The following FAM227A variants were observed in gnomAD, a reference collection of about 807,000 sequenced individuals.
FAM227A encodes family with sequence similarity 227 member A.
FAM227A carries 80 observed loss-of-function variants against 74.7 expected under a neutral mutation model. That is an observed-to-expected ratio of 1.07 (90% CI 0.89 to 1.29). FAM227A has a LOEUF of 1.29. FAM227A is among the 50% of genes most tolerant of loss of function. FAM227A has a pLI of 0.00. For synonymous variants in FAM227A, 237 were observed against 241.8 expected, an observed-to-expected ratio of 0.98 and a Z score of 0.19; for missense variants, 654 against 683.4, an observed-to-expected ratio of 0.96 and a Z score of 0.48.
In FAM227A at chr22:38,628,340, T is replaced by C. The variant is rs1309811810; in HGVS notation, c.624A>G (p.Pro208=). The C allele has an allele frequency of 1.2e-5, 18 of 1,548,074 alleles. No homozygotes were observed. The highest frequency in any genetic ancestry group is 1.5e-5 in the Non-Finnish European group (17 of 1,143,888). Residue 208 remains proline (P), a splice_region_variant and synonymous_variant, in exon 8 of 17, where the codon CCA becomes CCG. Coordinates refer to ENST00000535113, the MANE Select transcript of FAM227A (RefSeq NM_001013647.2). The stretch of plus-strand genomic sequence containing the variant: ...ACAGATTATTCTGGAGCTCCTTGTT[T>C]GGCTGCCAGGAATAGAAATGAAAAA... ...FWWIFHERYQ[P]NKELQNNLFD...
chr22:38,615,798 T>C (rs1014387088), intron 11 of FAM227A, among the ~76,000 whole-genome samples: 7 of 152,170 alleles, frequency 4.6e-5, no homozygotes, highest in Non-Finnish European at 8.8e-5. Context: ...CTGGTCACTA[T>C]GTGGAGGCTG....
chr22:38,609,450 G>A (rs1312063814), intron 11 of FAM227A, among the ~76,000 whole-genome samples: 1 of 152,184 alleles, frequency 6.6e-6, no homozygotes, highest in African/African-American at 2.4e-5. Flanking sequence ...AGCGAAGAAC[G>A]CTGGATTCGT....
chr22:38,610,957 G>C (rs185432044), intron 11 of FAM227A, among the ~76,000 whole-genome samples: 75 of 152,234 alleles, frequency 4.9e-4, no homozygotes, highest in African/African-American at 1.6e-3. Flanking sequence ...CTACTTGGGA[G>C]GCTGAAGTAG....
At chr22:38,626,053 T>C (rs1260739714) in intron 9 of FAM227A, 127 bp downstream of exon 9, 27 of 958,574 alleles carry the variant, frequency 2.8e-5, no homozygotes, top group South Asian at 1.4e-4. Flanking sequence ...CTCTCTTTAA[T>C]GTTAAGGAGA....
At chr22:38,654,689 G>A (rs917817565) in intron 1 of FAM227A, among the ~76,000 whole-genome samples, 7 of 150,106 alleles carry the variant, frequency 4.7e-5, no homozygotes, top group African/African-American at 1.5e-4. Context: ...CCAGCACTTT[G>A]GGAGGCCGAG....
At chr22:38,624,825 C>A (rs959204923) in intron 9 of FAM227A, among the ~76,000 whole-genome samples, 8 of 152,184 alleles carry the variant, frequency 5.3e-5, no homozygotes, top group Non-Finnish European at 1.2e-4. Flanking sequence ...CCAAACTCTA[C>A]CTTTTTCCCT....
At chr22:38,638,654 A>T in intron 5 of FAM227A, 92 bp downstream of exon 5, 1 of 912,822 alleles carries the variant, frequency 1.1e-6, no homozygotes, top group Non-Finnish European at 1.7e-6. Context: ...ATCACTACCC[A>T]GGCACCAAGT....
intron 13 of FAM227A, among the ~76,000 whole-genome samples, chr22:38,603,216 G>A (rs1267869843): frequency 6.6e-6 from 1 of 152,130 alleles, no homozygotes; most frequent in African/African-American, 2.4e-5. Flanking sequence ...CTGTGGGCTG[G>A]GAGCAGTGGC....
intron 11 of FAM227A, among the ~76,000 whole-genome samples, chr22:38,616,165 CT>C (rs2091571101): frequency 6.6e-6 from 1 of 152,180 alleles, no homozygotes; most frequent in Non-Finnish European, 1.5e-5. Flanking sequence ...AAGGAAAACA[CT>C]GTCAAAAGTT....
At chr22:38,607,268 G>T in intron 12 of FAM227A, 121 bp downstream of exon 12, 1 of 642,944 alleles carries the variant, frequency 1.6e-6, no homozygotes, top group Non-Finnish European at 2.7e-6. Flanking sequence ...CAAGGCCCAG[G>T]CTGGAACCCC....
At chr22:38,633,885 T>C (rs2091956511) in intron 6 of FAM227A, among the ~76,000 whole-genome samples, 1 of 152,104 alleles carries the variant, frequency 6.6e-6, no homozygotes, top group South Asian at 2.1e-4. Context: ...GTAATATCTA[T>C]GTATTTCATT....
At chr22:38,644,145 C>CAAAAAA (rs950184744) in intron 3 of FAM227A, among the ~76,000 whole-genome samples, 9 of 43,522 alleles carry the variant, frequency 2.1e-4, no homozygotes, top group South Asian at 1.1e-3. Context: ...GACTCCATCT[C>CAAAAAA]AAAAAAAAAA....
chr22:38,648,858 G>A (rs917704539), intron 2 of FAM227A, among the ~76,000 whole-genome samples: 1 of 150,964 alleles, frequency 6.6e-6, no homozygotes, highest in East Asian at 2.0e-4. Context: ...CTGTAATCTC[G>A]GCTACTTGGG....
At chr22:38,604,805 C>T (rs993352620) in intron 13 of FAM227A, among the ~76,000 whole-genome samples, 1 of 152,094 alleles carries the variant, frequency 6.6e-6, no homozygotes, top group Non-Finnish European at 1.5e-5. Flanking sequence ...AGGCACGCCA[C>T]CGTGCCCAGC....
intron 5 of FAM227A, 83 bp downstream of exon 5, chr22:38,638,663 G>A: frequency 2.0e-6 from 2 of 1,012,956 alleles, no homozygotes; most frequent in East Asian, 2.6e-5. Context: ...CAGGCACCAA[G>A]TATTCTCCTC....
At chr22:38,628,725 G>C (rs2091858824) in intron 7 of FAM227A, 109 bp downstream of exon 7, 1 of 722,026 alleles carries the variant, frequency 1.4e-6, no homozygotes, top group East Asian at 2.7e-5. Flanking sequence ...GAGGCTGTGG[G>C]GTGCTCCATG....
intron 3 of FAM227A, among the ~76,000 whole-genome samples, chr22:38,643,736 T>C (rs1198098495): frequency 6.6e-6 from 1 of 152,108 alleles, no homozygotes; most frequent in African/African-American, 2.4e-5. Context: ...TTGCCAAAAC[T>C]TGGAGGCAAC....
chr22:38,626,726 T>C (rs954395872), intron 8 of FAM227A, among the ~76,000 whole-genome samples: 1 of 149,926 alleles, frequency 6.7e-6, no homozygotes, highest in Non-Finnish European at 1.5e-5. Context: ...TAAAAAAAAA[T>C]AGCTGGGTGT....
intron 6 of FAM227A, 168 bp from the exon 7 acceptor site, chr22:38,629,103 A>G: frequency 3.7e-6 from 2 of 533,680 alleles, no homozygotes; most frequent in Non-Finnish European, 6.5e-6. Context: ...CTTATGAGGA[A>G]TACATCATTA....
Sources: gnomAD v4.1 joint callset for allele counts (sites outside exome capture counted in the v4.1 genomes callset) on GRCh38, gnomAD v4.1.1 for gene constraint, MANE v1.5 for transcripts, NCBI Gene and HGNC (gene_info 2026-07-23, HGNC 2026-07-21) for gene names.